Variants in ASIC2 observed in about 807,000 individuals in gnomAD.
ASIC2 encodes the protein acid-sensing ion channel 2.
Under a neutral mutation model 57.3 loss-of-function variants are expected in ASIC2, and 25 were observed. The observed-to-expected ratio is 0.44, with a 90% CI of 0.32 to 0.61. The LOEUF (loss-of-function observed/expected upper bound fraction) is 0.61. Ranked by LOEUF, ASIC2 falls within the 20% of genes least tolerant of loss-of-function variation. The probability of loss-of-function intolerance (pLI) is 0.06; values close to 1 mark genes in which losing one functional copy is unlikely to be tolerated. For synonymous variants in ASIC2, 319 were observed against 307.5 expected, an observed-to-expected ratio of 1.04 and a Z score of -0.39; for missense variants, 641 against 738.1, an observed-to-expected ratio of 0.87 and a Z score of 1.52.
intron 1 of ASIC2, among the ~76,000 whole-genome samples, chr17:33,664,120 T>TACGACGTC (rs1907393488): frequency 6.6e-6 from 1 of 152,218 alleles, no homozygotes. Context: ...TCTGCACACT[T>TACGACGTC]ACGACGTCAG....
At chr17:34,134,152 G>T (rs1000227834) in intron 1 of ASIC2, among the ~76,000 whole-genome samples, 1 of 152,188 alleles carries the variant, frequency 6.6e-6, no homozygotes, top group Non-Finnish European at 1.5e-5. Context: ...CTTGAAGTCT[G>T]AAATGCCCCA....
At chr17:33,175,454 T>C (rs1905711785) in intron 1 of ASIC2, among the ~76,000 whole-genome samples, 1 of 147,718 alleles carries the variant, frequency 6.8e-6, no homozygotes, top group African/African-American at 2.6e-5. Context: ...CCATTTATTG[T>C]TATTTTATTG....
intron 1 of ASIC2, among the ~76,000 whole-genome samples, chr17:33,536,998 C>T (rs539595249): frequency 1.5e-4 from 23 of 152,266 alleles, no homozygotes; most frequent in African/African-American, 3.4e-4. Flanking sequence ...GGCAACAGAG[C>T]GAGACCTTGT....
intron 1 of ASIC2, among the ~76,000 whole-genome samples, chr17:33,484,614 G>A (rs1430892102): frequency 6.6e-6 from 1 of 152,196 alleles, no homozygotes; most frequent in Non-Finnish European, 1.5e-5. Flanking sequence ...TTGAAATTGT[G>A]TATTTAACAT....
At chr17:33,907,026 T>G (rs1016615793) in intron 1 of ASIC2, among the ~76,000 whole-genome samples, 14 of 152,150 alleles carry the variant, frequency 9.2e-5, no homozygotes, top group Admixed American at 9.2e-4. Flanking sequence ...ATCTAGGATG[T>G]AATCAGCTCT....
At chr17:33,779,221 G>A (rs1272819639) in intron 1 of ASIC2, among the ~76,000 whole-genome samples, 1 of 152,092 alleles carries the variant, frequency 6.6e-6, no homozygotes, top group Non-Finnish European at 1.5e-5. Flanking sequence ...GAACCTCTTA[G>A]AATTCTGTTA....
intron 1 of ASIC2, among the ~76,000 whole-genome samples, chr17:33,577,206 T>C (rs1014651271): frequency 1.3e-5 from 2 of 152,276 alleles, no homozygotes; most frequent in African/African-American, 4.8e-5. Context: ...CAGGGAAGCC[T>C]CCTATTACTG....
chr17:33,791,286 C>A (rs1911762238), intron 1 of ASIC2, among the ~76,000 whole-genome samples: 1 of 152,180 alleles, frequency 6.6e-6, no homozygotes, highest in Non-Finnish European at 1.5e-5. Flanking sequence ...AAGGAAGGCA[C>A]TCTGAGATCG....
At chr17:33,691,268 GT>G (rs1400382385) in intron 1 of ASIC2, among the ~76,000 whole-genome samples, 1 of 152,168 alleles carries the variant, frequency 6.6e-6, no homozygotes, top group African/African-American at 2.4e-5. Context: ...AAAACAGCAT[GT>G]GCACGTATAA....
chr17:33,344,660 A>G (rs183114993), intron 1 of ASIC2, among the ~76,000 whole-genome samples: 308 of 152,278 alleles, frequency 2.0e-3, no homozygotes, highest in Non-Finnish European at 2.6e-3. Flanking sequence ...ATCAGTGTTC[A>G]CAGGGCTTCC....
chr17:33,284,407 C>T (rs1905068203), intron 1 of ASIC2, among the ~76,000 whole-genome samples: 1 of 152,136 alleles, frequency 6.6e-6, no homozygotes, highest in Admixed American at 6.5e-5. Context: ...GCAGATTCTC[C>T]TCCATAGATC....
intron 1 of ASIC2, among the ~76,000 whole-genome samples, chr17:33,377,277 C>T (rs1909314056): frequency 6.6e-6 from 1 of 152,182 alleles, no homozygotes; most frequent in African/African-American, 2.4e-5. Context: ...TCTCAAACTC[C>T]TGACCTCAAG....
chr17:33,099,397 G>A (rs1170491788), intron 2 of ASIC2, among the ~76,000 whole-genome samples: 1 of 152,178 alleles, frequency 6.6e-6, no homozygotes, highest in Non-Finnish European at 1.5e-5. Context: ...ATGAGGATCA[G>A]TGGCTGGAAT....
intron 1 of ASIC2, among the ~76,000 whole-genome samples, chr17:33,402,182 G>A (rs1391603989): frequency 6.6e-6 from 1 of 152,122 alleles, no homozygotes; most frequent in Non-Finnish European, 1.5e-5. Flanking sequence ...CACACTGCAT[G>A]GAGGGCTCCA....
At chr17:34,090,586 T>C (rs1910296545) in intron 1 of ASIC2, among the ~76,000 whole-genome samples, 2 of 152,178 alleles carry the variant, frequency 1.3e-5, no homozygotes, top group South Asian at 2.1e-4. Flanking sequence ...GTCTAGCACA[T>C]ACCTTGGAGG....
chr17:33,915,009 G>A (rs1399516820), intron 1 of ASIC2, among the ~76,000 whole-genome samples: 3 of 152,184 alleles, frequency 2.0e-5, no homozygotes, highest in Non-Finnish European at 4.4e-5. Flanking sequence ...TCAACCTGAA[G>A]GGTTAGCACC....
chr17:33,396,042 A>T (rs527516794), intron 1 of ASIC2, among the ~76,000 whole-genome samples: 1 of 152,328 alleles, frequency 6.6e-6, no homozygotes, highest in African/African-American at 2.4e-5. Context: ...TTCACTTTTT[A>T]ATCAATTGGA....
intron 1 of ASIC2, among the ~76,000 whole-genome samples, chr17:33,731,587 T>C (rs570327228): frequency 6.6e-6 from 1 of 152,242 alleles, no homozygotes; most frequent in East Asian, 1.9e-4. Context: ...TACAGAGAGA[T>C]TGATGGGAGG....
intron 1 of ASIC2, among the ~76,000 whole-genome samples, chr17:33,932,343 C>T (rs1284015285): frequency 1.3e-5 from 2 of 152,098 alleles, no homozygotes; most frequent in Non-Finnish European, 2.9e-5. Context: ...TGAAATATGT[C>T]ATGAATATTG....
Sources: gnomAD v4.1 joint callset for allele counts (sites outside exome capture counted in the v4.1 genomes callset) on GRCh38, gnomAD v4.1.1 for gene constraint, MANE v1.5 for transcripts, NCBI Gene and HGNC (gene_info 2026-07-23, HGNC 2026-07-21) for gene names.